Variants in RAB10 observed in about 807,000 individuals in gnomAD.
RAB10 encodes the protein RAB10, member RAS oncogene family, also known as ras-related protein Rab-10.
Under a neutral mutation model 25.7 loss-of-function variants are expected in RAB10, and 5 were observed. The observed-to-expected ratio is 0.19, with a 90% CI of 0.10 to 0.41. RAB10 has a LOEUF of 0.41. Among genes scored for constraint, RAB10 ranks in the 10% least tolerant of loss-of-function variants. The pLI is 1.00. For synonymous variants in RAB10, 89 were observed against 86.4 expected (o/e 1.03, Z -0.16); for missense variants, 103 against 245.8 (o/e 0.42, Z 3.89).
intron 1 of RAB10, among the ~76,000 whole-genome samples, chr2:26,067,601 C>A (rs1666540815): frequency 6.6e-6 from 1 of 152,200 alleles, no homozygotes; most frequent in Non-Finnish European, 1.5e-5. Flanking sequence ...TGTTACCATA[C>A]TTGATATTGA....
At chr2:26,063,168 A>C (rs562004305) in intron 1 of RAB10, among the ~76,000 whole-genome samples, 1 of 152,068 alleles carries the variant, frequency 6.6e-6, no homozygotes, top group Non-Finnish European at 1.5e-5. Flanking sequence ...CTAATGGTCA[A>C]TCTATTAGAC....
chr2:26,048,859 A>G (rs535671234), intron 1 of RAB10, among the ~76,000 whole-genome samples: 3 of 152,160 alleles, frequency 2.0e-5, no homozygotes, highest in Admixed American at 1.3e-4. Context: ...GTGAGACTCT[A>G]TCTCAATACA....
intron 2 of RAB10, among the ~76,000 whole-genome samples, chr2:26,105,747 C>CA (rs1192691205): frequency 6.6e-6 from 1 of 152,228 alleles, no homozygotes; most frequent in East Asian, 1.9e-4. Flanking sequence ...TCAGTGACTA[C>CA]ATACACAATG....
chr2:26,054,312 C>T (rs980091219), intron 1 of RAB10, among the ~76,000 whole-genome samples: 1 of 151,978 alleles, frequency 6.6e-6, no homozygotes, highest in Non-Finnish European at 1.5e-5. Context: ...TCTTGGCCTC[C>T]CAAAGTACTG....
At chr2:26,042,251 C>T (rs1382206190) in intron 1 of RAB10, among the ~76,000 whole-genome samples, 2 of 152,104 alleles carry the variant, frequency 1.3e-5, no homozygotes, top group Non-Finnish European at 2.9e-5. Flanking sequence ...GCTCTTGTCC[C>T]TAAGAGAGGT....
chr2:26,059,701 A>G (rs1666355937), intron 1 of RAB10, among the ~76,000 whole-genome samples: 4 of 152,326 alleles, frequency 2.6e-5, no homozygotes, highest in East Asian at 3.9e-4. Flanking sequence ...ACTATTCACA[A>G]TAGCCAAGAG....
chr2:26,041,703 G>C (rs1237218214), intron 1 of RAB10, among the ~76,000 whole-genome samples: 2 of 151,948 alleles, frequency 1.3e-5, no homozygotes, highest in African/African-American at 2.4e-5. Flanking sequence ...GTCAGAGTTC[G>C]AGACCAGCCT....
intron 1 of RAB10, among the ~76,000 whole-genome samples, chr2:26,088,489 C>T (rs1389169916): frequency 6.6e-6 from 1 of 152,192 alleles, no homozygotes; most frequent in East Asian, 1.9e-4. Flanking sequence ...CTGATTATTT[C>T]TTCTGACAGA....
intron 2 of RAB10, chr2:26,102,063 C>T (rs936826076): frequency 6.6e-6 from 1 of 152,562 alleles, no homozygotes; most frequent in Non-Finnish European, 1.5e-5. Context: ...GGCCCAGTCA[C>T]CACTCCTGAA....
At chr2:26,091,504 A>T (rs1395224911) in intron 1 of RAB10, among the ~76,000 whole-genome samples, 1 of 152,142 alleles carries the variant, frequency 6.6e-6, no homozygotes. Context: ...GAGTGAGATG[A>T]TGTAGAAAAT....
At chr2:26,100,033 T>C (rs1667311979) in intron 2 of RAB10, among the ~76,000 whole-genome samples, 1 of 152,174 alleles carries the variant, frequency 6.6e-6, no homozygotes, top group African/African-American at 2.4e-5. Flanking sequence ...AGGCAATCAA[T>C]AGTTTATTTC....
chr2:26,090,938 C>CG (rs1667093564), intron 1 of RAB10, among the ~76,000 whole-genome samples: 1 of 63,820 alleles, frequency 1.6e-5, no homozygotes, highest in Admixed American at 1.6e-4. Context: ...TGTCTCCCCC[C>CG]CCAAAAAAAA....
At chr2:26,101,011 G>T (rs1667328108) in intron 2 of RAB10, among the ~76,000 whole-genome samples, 2 of 152,158 alleles carry the variant, frequency 1.3e-5, no homozygotes, top group African/African-American at 2.4e-5. Flanking sequence ...GAGGGAGGAA[G>T]TGATCTAGAT....
intron 1 of RAB10, among the ~76,000 whole-genome samples, chr2:26,043,765 A>G (rs992769768): frequency 1.3e-5 from 2 of 152,204 alleles, no homozygotes; most frequent in Non-Finnish European, 2.9e-5. Flanking sequence ...TTATTGCTTA[A>G]TGATCACAGA....
intron 1 of RAB10, among the ~76,000 whole-genome samples, chr2:26,098,194 C>G (rs1185203916): frequency 1.4e-5 from 2 of 143,416 alleles, no homozygotes; most frequent in Non-Finnish European, 3.0e-5. Context: ...ATTAAAGGCT[C>G]ACTGCAACCT....
chr2:26,089,095 T>C (rs1180188167), intron 1 of RAB10, among the ~76,000 whole-genome samples: 1 of 152,092 alleles, frequency 6.6e-6, no homozygotes, highest in African/African-American at 2.4e-5. Context: ...GAGAGGTGGC[T>C]TGGGGCCATG....
chr2:26,098,623 A>C, intron 1 of RAB10, 39 bp from the exon 2 acceptor site: 1 of 1,454,196 alleles, frequency 6.9e-7, no homozygotes, highest in Non-Finnish European at 9.6e-7. Context: ...GCCAAATGTA[A>C]AGCCACAGTT....
chr2:26,115,860 G>GT (rs70950169), intron 3 of RAB10, among the ~76,000 whole-genome samples: 25 of 105,770 alleles, frequency 2.4e-4, no homozygotes, highest in South Asian at 3.1e-4. Flanking sequence ...TGTTATTACT[G>GT]TTTTTTTTTT....
At chr2:26,037,614 G>C (rs1378669877) in intron 1 of RAB10, among the ~76,000 whole-genome samples, 1 of 151,802 alleles carries the variant, frequency 6.6e-6, no homozygotes, top group Non-Finnish European at 1.5e-5. Flanking sequence ...ACTCCAGCCT[G>C]GGCAACAAGA....
Sources: gnomAD v4.1 joint callset for allele counts (sites outside exome capture counted in the v4.1 genomes callset) on GRCh38, gnomAD v4.1.1 for gene constraint, MANE v1.5 for transcripts, NCBI Gene and HGNC (gene_info 2026-07-23, HGNC 2026-07-21) for gene names.